MAPKAP1: variants seen among roughly 807,000 people sequenced by gnomAD.
The protein encoded by MAPKAP1 is MAPK associated protein 1, also known as target of rapamycin complex 2 subunit MAPKAP1.
MAPKAP1 carries 20 observed loss-of-function variants against 65.7 expected under a neutral mutation model. That is an observed-to-expected ratio of 0.30 (90% confidence interval 0.21 to 0.44). The LOEUF is 0.44. Among genes scored for constraint, MAPKAP1 ranks in the 20% least tolerant of loss-of-function variants. The probability of loss-of-function intolerance (pLI) is 1.00; values close to 1 mark genes in which losing one functional copy is unlikely to be tolerated. For missense variants in MAPKAP1, 423 were observed against 648.0 expected (o/e 0.65, Z 3.77); for synonymous variants, 222 against 244.3 (o/e 0.91, Z 0.85).
chr9:125,543,277 T>C (rs1461344596), intron 6 of MAPKAP1, 109 bp from the exon 7 acceptor site: 1 of 827,874 alleles, frequency 1.2e-6, no homozygotes, highest in Non-Finnish European at 2.0e-6. Flanking sequence ...TTGTTTTGTT[T>C]TGTTTTTGAA....
At chr9:125,626,545 T>C (rs1018979722) in intron 4 of MAPKAP1, among the ~76,000 whole-genome samples, 1 of 152,186 alleles carries the variant, frequency 6.6e-6, no homozygotes, top group Admixed American at 6.5e-5. Context: ...CACAATTCCA[T>C]CACCACACTG....
chr9:125,665,118 A>G (rs1834303637), intron 3 of MAPKAP1, among the ~76,000 whole-genome samples: 1 of 152,114 alleles, frequency 6.6e-6, no homozygotes, highest in Admixed American at 6.6e-5. Flanking sequence ...CCTGGCCAAC[A>G]TGACAAAACC....
intron 4 of MAPKAP1, among the ~76,000 whole-genome samples, chr9:125,591,021 A>G (rs1831944108): frequency 6.6e-6 from 1 of 152,112 alleles, no homozygotes; most frequent in South Asian, 2.1e-4. Flanking sequence ...TGATCCGCCC[A>G]CCTCGGCCTC....
chr9:125,599,972 A>G (rs1002634275), intron 4 of MAPKAP1: 2 of 152,212 alleles, frequency 1.3e-5, no homozygotes, highest in African/African-American at 4.8e-5. Flanking sequence ...AAAACAAGAA[A>G]GGAGGTTGCT....
At chr9:125,449,082 T>C (rs1419351037) in intron 10 of MAPKAP1, among the ~76,000 whole-genome samples, 1 of 152,080 alleles carries the variant, frequency 6.6e-6, no homozygotes, top group Non-Finnish European at 1.5e-5. Context: ...AGTTTAATAT[T>C]CCAATTAGTT....
Position 125,657,632 on chromosome 9 carries a change from A to G in MAPKAP1, c.498+19T>C, listed in dbSNP as rs760806823. 4.4e-6 allele frequency: 7 copies of G among 1,591,610 alleles called. No individual in the cohort carries two copies. Among genetic ancestry groups the G allele is most frequent in the Non-Finnish European group, 5.1e-6 (6 of 1,170,132 alleles). ...AATTACAGTTTTACTTAAAGGGACA[A>G]AGTCTCATTTTTACTTACCTTGCCA... On this transcript the variant is annotated intron_variant, in intron 4 of 11. Coordinates refer to ENST00000265960, the MANE Select transcript of MAPKAP1 (RefSeq NM_001006617.3).
Position 125,478,776 on chromosome 9 carries a change from GC to G in MAPKAP1, c.1207+5666del, listed in dbSNP as rs1158384155. Reference sequence around the variant, plus strand: ...AGGTGTGGGAGAGTTGGTACTAACAGCTAGGTACCTCTCAACACAGTGGTTT... The same window carrying G: ...AGGTGTGGGAGAGTTGGTACTAACAGTAGGTACCTCTCAACACAGTGGTTT... On this transcript the variant is annotated intron_variant, in intron 9 of 11. Transcript: ENST00000265960. 2.0e-5 allele frequency among the ~76,000 whole-genome samples: 3 copies of G among 152,268 alleles called. No individual in the cohort carries two copies. In the East Asian group the frequency reaches 5.8e-4, roughly 29 times the overall value.
intron 4 of MAPKAP1, chr9:125,652,109 T>G (rs1466641636): frequency 7.8e-7 from 1 of 1,281,700 alleles, no homozygotes; most frequent in Non-Finnish European, 1.0e-6. Context: ...TGATTTCAAT[T>G]CGCTGACCTT....
intron 4 of MAPKAP1, among the ~76,000 whole-genome samples, chr9:125,610,885 A>G (rs1042940946): frequency 2.0e-5 from 3 of 152,248 alleles, no homozygotes; most frequent in African/African-American, 7.2e-5. Flanking sequence ...AAAATTTGCA[A>G]GAAATAATTT....
At chr9:125,664,907 T>C (rs1318430640) in intron 3 of MAPKAP1, among the ~76,000 whole-genome samples, 3 of 152,024 alleles carry the variant, frequency 2.0e-5, no homozygotes, top group Admixed American at 6.6e-5. Context: ...GCTTCACCAC[T>C]TACTACTTAC....
chr9:125,517,957 G>A (rs1338624162), intron 7 of MAPKAP1, among the ~76,000 whole-genome samples: 1 of 152,110 alleles, frequency 6.6e-6, no homozygotes, highest in Non-Finnish European at 1.5e-5. Context: ...AGACGGGGTG[G>A]GAGGCTTTCA....
intron 3 of MAPKAP1, among the ~76,000 whole-genome samples, chr9:125,659,104 A>T (rs1834114737): frequency 6.6e-6 from 1 of 152,234 alleles, no homozygotes; most frequent in African/African-American, 2.4e-5. Context: ...TAATTCAATT[A>T]AAGTAATATT....
At chr9:125,526,862 G>A (rs986255910) in intron 7 of MAPKAP1, among the ~76,000 whole-genome samples, 12 of 70,818 alleles carry the variant, frequency 1.7e-4, no homozygotes, top group Admixed American at 4.9e-4. Context: ...TGCAACCTTT[G>A]CCTCCAGGGT....
chr9:125,438,732 C>T lies in MAPKAP1; in HGVS notation c.*155G>A, dbSNP rs574960741. On this transcript the variant is annotated 3_prime_UTR_variant, in exon 12 of 12. Transcript: ENST00000265960. ...TCCCCAGCGCTCCCTCCTAGGGGGCCCCCGACACCTTCCCCGAGAGCCCAC... is the reference window on the plus strand; with the variant it reads ...TCCCCAGCGCTCCCTCCTAGGGGGCTCCCGACACCTTCCCCGAGAGCCCAC... 3.1e-5 allele frequency: 31 copies of T among 1,011,138 alleles called. No individual in the cohort carries two copies. The highest frequency in any genetic ancestry group is 4.3e-5 in the Non-Finnish European group (30 of 691,000). The allele number at this position is 1,011,138 out of a possible 1,614,324, so 62.6% of individuals were successfully genotyped here.
intron 6 of MAPKAP1, chr9:125,559,409 C>T (rs763811539): frequency 2.4e-6 from 1 of 410,704 alleles, no homozygotes; most frequent in Non-Finnish European, 4.4e-6. Flanking sequence ...CAGAGATCTG[C>T]TTCACACAAT....
chr9:125,542,078 T>A (rs78715270), intron 7 of MAPKAP1, among the ~76,000 whole-genome samples: 1 of 152,234 alleles, frequency 6.6e-6, no homozygotes, highest in African/African-American at 2.4e-5. Context: ...CTCTTTTTTA[T>A]GAGAATCAGA....
chr9:125,633,655 T>C (rs894191280), intron 4 of MAPKAP1, among the ~76,000 whole-genome samples: 2 of 152,232 alleles, frequency 1.3e-5, no homozygotes, highest in African/African-American at 4.8e-5. Context: ...ATAGTCAGTG[T>C]AGCAAATCAG....
rs1048294664 is a variant in MAPKAP1, at chr9:125,547,636, C to A, written c.849-4468G>T. Among the ~76,000 whole-genome samples, 13 of 152,322 alleles carry A rather than the reference C, an allele frequency of 8.5e-5. No homozygotes were observed. In the East Asian group the frequency reaches 2.1e-3, roughly 25 times the overall value. On this transcript the variant is annotated intron_variant, in intron 6 of 11. Coordinates refer to ENST00000265960, the MANE Select transcript of MAPKAP1 (RefSeq NM_001006617.3). ...CTTCAGCCCCTCCTTCCCCTGCCTC[C>A]TAAGCAGAGACTGCTTATCGGGGGG...
intron 9 of MAPKAP1, among the ~76,000 whole-genome samples, chr9:125,481,461 C>A (rs192711424): frequency 2.9e-4 from 44 of 152,222 alleles, no homozygotes; most frequent in African/African-American, 9.9e-4. Flanking sequence ...CTAACACTGT[C>A]GCCCAGGCTG....
Sources: allele counts gnomAD v4.1 joint callset (sites outside exome capture counted in the v4.1 genomes callset), GRCh38; gene constraint gnomAD v4.1.1; transcripts MANE v1.5; gene names NCBI Gene and HGNC (gene_info 2026-07-23, HGNC 2026-07-21).